Variants in FCN2 observed in about 807,000 individuals in gnomAD.
The protein encoded by FCN2 is ficolin-2.
FCN2 carries 31 observed loss-of-function variants against 32.5 expected under a neutral mutation model. The ratio of observed to expected loss-of-function variants is 0.96; its 90% CI spans 0.72 to 1.29. The LOEUF is 1.29. Ranked by LOEUF, FCN2 falls within the 50% of genes most tolerant of loss-of-function variation. FCN2 has a pLI of 0.00. For synonymous variants in FCN2, 181 were observed against 164.5 expected (o/e 1.10, Z -0.77); for missense variants, 412 against 406.5 (o/e 1.01, Z -0.12).
the FCN2 span, among the ~76,000 whole-genome samples, chr9:134,873,010 T>C: frequency 6.6e-6 from 1 of 152,156 alleles, no homozygotes; most frequent in Non-Finnish European, 1.5e-5. Flanking sequence ...TTTGTTCCCG[T>C]TTTCCTTATG....
chr9:134,887,087 G>A, intron 7 of FCN2, 81 bp from the exon 8 acceptor site: 2 of 1,542,444 alleles, frequency 1.3e-6, no homozygotes, highest in Non-Finnish European at 1.8e-6. Flanking sequence ...GACACACCAG[G>A]CCAGGCCTCA....
Position 134,887,244 on chromosome 9 carries a change from TGC to T in FCN2, c.772_773del (p.Ala258CysfsTer44), listed in dbSNP as rs1283007161. On this transcript the variant is annotated frameshift_variant, in exon 8 of 8. Coordinates refer to ENST00000291744, the MANE Select transcript of FCN2 (RefSeq NM_004108.3). LOFTEE classifies it low-confidence loss of function (END_TRUNC). ...ACAATGATCTTAACACCGGAAATTG[TGC>T]TGTGATGTTTCAGGGAGCTTGGTGG... The part of the protein sequence containing the change: ...QDNDLNTGNC[A>X]VMFQGAWWYK... 1 of 1,614,236 alleles carries T rather than the reference TGC, an allele frequency of 6.2e-7. No individual in the cohort carries two copies.
chr9:134,887,031 A>G (rs1830767669), intron 7 of FCN2, 137 bp from the exon 8 acceptor site: 4 of 1,010,624 alleles, frequency 4.0e-6, no homozygotes, highest in Admixed American at 1.7e-5. Flanking sequence ...CATGGATTGC[A>G]CTTCTTGGAT....
At chr9:134,883,399 A>G in intron 3 of FCN2, 44 bp downstream of exon 3, 1 of 1,556,428 alleles carries the variant, frequency 6.4e-7, no homozygotes, top group Non-Finnish European at 8.9e-7. Context: ...AGGCCCTTCC[A>G]GACCTGGCTG....
At position 134,886,438 on chromosome 9, in the gene FCN2, G is replaced by A. The variant is rs371435230; in HGVS notation, c.568G>A (p.Glu190Lys). The change falls in exon 7 of 8, where the codon GAG (glutamate) becomes AAG (lysine). Residue 190 changes from glutamate to lysine, a missense_variant. Physicochemically the swap from Glu to Lys is moderately conservative, Grantham distance 56 (BLOSUM62 1). Coordinates refer to ENST00000291744, the MANE Select transcript of FCN2 (RefSeq NM_004108.3). ...AAACCTTTCTCTAACAGGAACCAGC[G>A]AGCTCCGTGTAGACCTGGTGGACTT... ...IHALTAQGTS[E>K]LRVDLVDFED... is the part of the protein sequence containing the mutation. The A allele has an allele frequency of 1.2e-5, 19 of 1,614,074 alleles. 1 individual carries two copies. The East Asian group carries it at 1.6e-4, about 13-fold the overall frequency.
chr9:134,868,381 C>A, the FCN2 span: 1,623 of 178,590 alleles, frequency 9.1e-3, 13 homozygotes, highest in Non-Finnish European at 0.015. This position sits in a 1 kb window ranked among gnomAD's most constrained non-coding sequence, Gnocchi z 4.3. Flanking sequence ...CTCGGGGGGG[C>A]CCGTGACAGC....
At chr9:134,868,122 C>G in the FCN2 span, 1 of 152,278 alleles carries the variant, frequency 6.6e-6, no homozygotes, top group African/African-American at 2.4e-5. This position sits in a 1 kb window ranked among gnomAD's most constrained non-coding sequence, Gnocchi z 4.3. Context: ...CTCATCACCT[C>G]TCCGCCTCAC....
At chr9:134,874,917 A>G in the FCN2 span, among the ~76,000 whole-genome samples, 2 of 152,170 alleles carry the variant, frequency 1.3e-5, no homozygotes, top group Non-Finnish European at 2.9e-5. Context: ...TCTTAAACAT[A>G]TTTGATTGGA....
At chr9:134,883,615 T>G (rs1588643764) in intron 3 of FCN2, among the ~76,000 whole-genome samples, 1 of 43,586 alleles carries the variant, frequency 2.3e-5, no homozygotes, top group Non-Finnish European at 4.2e-5. Context: ...GGGTCTCAGT[T>G]TGGGGGAGTG....
At chr9:134,886,596 G>A in intron 7 of FCN2, 32 bp downstream of exon 7, 1 of 1,612,220 alleles carries the variant, frequency 6.2e-7, no homozygotes, top group Non-Finnish European at 8.5e-7. Context: ...TGTGGCCTGG[G>A]CTTCTGAGGG....
upstream of FCN2, among the ~76,000 whole-genome samples, chr9:134,878,569 G>A (rs953312975): frequency 4.6e-5 from 7 of 152,152 alleles, no homozygotes; most frequent in South Asian, 2.1e-4. Context: ...AGGGCCTGGC[G>A]CGGTGGCTCA....
At chr9:134,876,837 A>C (rs1830607800), upstream of FCN2, among the ~76,000 whole-genome samples, 3 of 152,188 alleles carry the variant, frequency 2.0e-5, no homozygotes, top group Admixed American at 6.5e-5. Flanking sequence ...GACCTCCCAA[A>C]GTGCTGGGAT....
intron 4 of FCN2, 72 bp downstream of exon 4, chr9:134,884,844 G>C: frequency 1.5e-6 from 2 of 1,354,800 alleles, no homozygotes; most frequent in East Asian, 2.3e-5. Context: ...GTCATACGAC[G>C]CCATTGCCAG....
At chr9:134,865,365 G>A in the FCN2 span, among the ~76,000 whole-genome samples, 2,002 of 152,280 alleles carry the variant, frequency 0.013, 37 homozygotes, top group South Asian at 0.092. Context: ...ACCCTAGTAG[G>A]CGCCATGGTC....
chr9:134,883,729 G>A (rs1334103046), intron 3 of FCN2, among the ~76,000 whole-genome samples: 1 of 149,322 alleles, frequency 6.7e-6, no homozygotes, highest in Non-Finnish European at 1.5e-5. Context: ...TTCCCGGTGG[G>A]CAGGCTGTGG....
chr9:134,871,492 C>T, the FCN2 span, among the ~76,000 whole-genome samples: 9 of 152,252 alleles, frequency 5.9e-5, no homozygotes, highest in African/African-American at 2.2e-4. Flanking sequence ...GCTGCGTGCT[C>T]ACTCCCCTGT....
intron 7 of FCN2, 50 bp from the exon 8 acceptor site, chr9:134,887,118 C>T: frequency 6.2e-7 from 1 of 1,610,616 alleles, no homozygotes; most frequent in Non-Finnish European, 8.5e-7. Context: ...CTTATACTGT[C>T]TGTAATGATG....
chr9:134,880,889 C>T lies in FCN2; in HGVS notation c.68C>T (p.Ala23Val). 1 of 1,613,550 alleles carries T rather than the reference C, an allele frequency of 6.2e-7. No homozygotes were observed. The highest frequency in any genetic ancestry group is 8.5e-7 in the Non-Finnish European group (1 of 1,179,920). ...ATLLLSFLGMAWALQAADTCP... is the reference protein window; with the variant it reads ...ATLLLSFLGMVWALQAADTCP... ...CTGCTGCTCTCTTTCCTGGGCATGGCCTGGGCTCTCCAGGCGGCAGACACC... is the reference window on the plus strand; with the variant it reads ...CTGCTGCTCTCTTTCCTGGGCATGGTCTGGGCTCTCCAGGCGGCAGACACC... Residue 23 changes from alanine (A) to valine (V), a missense_variant, in exon 1 of 8, where the codon GCC becomes GTC. Physicochemically the swap from Ala to Val is moderately conservative, Grantham distance 64. Transcript: ENST00000291744.
the FCN2 span, among the ~76,000 whole-genome samples, chr9:134,871,461 G>C: frequency 6.6e-6 from 1 of 152,250 alleles, no homozygotes; most frequent in Non-Finnish European, 1.5e-5. Context: ...GTGGAGAGGA[G>C]CGGGGCTGGG....
Sources: allele counts gnomAD v4.1 joint callset (sites outside exome capture counted in the v4.1 genomes callset), GRCh38; gene constraint gnomAD v4.1.1; non-coding constraint Gnocchi (gnomAD v3.1); transcripts MANE v1.5; gene names NCBI Gene and HGNC (gene_info 2026-07-23, HGNC 2026-07-21).